POLRMT: variants seen among roughly 807,000 people sequenced by gnomAD.
The protein encoded by POLRMT is RNA polymerase mitochondrial.
Under a neutral mutation model 132.2 loss-of-function variants are expected in POLRMT, and 114 were observed. That is an observed-to-expected ratio of 0.86 (90% CI 0.74 to 1.01). POLRMT has a LOEUF of 1.01. POLRMT is among the 50% of genes least tolerant of loss of function. The probability of loss-of-function intolerance (pLI) is 0.00; values close to 1 mark genes in which losing one functional copy is unlikely to be tolerated. For missense variants in POLRMT, 2,003 were observed against 1,729.1 expected (o/e 1.16, Z -2.81); for synonymous variants, 1,020 against 773.4 (o/e 1.32, Z -5.29).
chr19:629,475 TA>T, intron 3 of POLRMT, 64 bp downstream of exon 3: 1 of 1,425,006 alleles, frequency 7.0e-7, no homozygotes, highest in Middle Eastern at 2.8e-4. Flanking sequence ...AAGTCCAGTC[TA>T]AATGAGGGCA....
chr19:618,031 G>C (rs559370508), intron 17 of POLRMT, 182 bp from the exon 18 acceptor site: 2 of 607,042 alleles, frequency 3.3e-6, no homozygotes, highest in African/African-American at 1.9e-5. Flanking sequence ...ATCAGTACAG[G>C]GGGAGGAAAT....
In POLRMT at chr19:618,475, C is replaced by T. The variant is rs374183595; in HGVS notation, c.3422+13G>A. On this transcript the variant is annotated intron_variant, in intron 17 of 20. Transcript: ENST00000588649. ...GGAGGCGAGCGGCACCCACGCCGTCCGGAGACGCCCACCTGTAGCAGTGCA... is the reference window on the plus strand; with the variant it reads ...GGAGGCGAGCGGCACCCACGCCGTCTGGAGACGCCCACCTGTAGCAGTGCA... 72 of 1,582,810 alleles carry T rather than the reference C, an allele frequency of 4.5e-5. No individual in the cohort carries two copies. The African/African-American group carries it at 6.5e-4, about 14-fold the overall frequency.
intron 3 of POLRMT, among the ~76,000 whole-genome samples, chr19:626,696 C>CAAAAAAAAAAAAAAAAAAAAAAA (rs59746130): frequency 1.9e-5 from 2 of 105,046 alleles, no homozygotes; most frequent in African/African-American, 8.7e-5. Flanking sequence ...ACTAAAAATA[C>CAAAAAAAAAAAAAAAAAAAAAAA]AAAAAAAAAA....
chr19:631,138 A>C (rs1449591218), intron 2 of POLRMT, among the ~76,000 whole-genome samples: 1 of 151,592 alleles, frequency 6.6e-6, no homozygotes, highest in African/African-American at 2.4e-5. Context: ...CAGCCTGGGC[A>C]ACAGAACAAT....
chr19:618,771 G>A lies in POLRMT; in HGVS notation c.3268-11C>T, dbSNP rs907727642. ...TCCACCTCCTATTTGCTAAAAAGGG[G>A]AAGGGGCCGGTGAGTCCCACCCGAG... On this transcript the variant is annotated splice_polypyrimidine_tract_variant and intron_variant, in intron 15 of 20. Transcript: ENST00000588649. 1 of 1,589,694 alleles carries A rather than the reference G, an allele frequency of 6.3e-7. No homozygotes were observed.
chr19:621,747 G>A lies in POLRMT; in HGVS notation c.1951C>T (p.Pro651Ser), dbSNP rs1346013990. The change falls in exon 10 of 21, where the codon CCC (proline) becomes TCC (serine). Residue 651 changes from proline to serine, a missense_variant. Transcript: ENST00000588649. ...TGCGGCGATGTCCAGGGCAGCGGGG[G>A]GCAAAGCATGGGTACATCCACCGCC... is the stretch of plus-strand genomic sequence containing the variant. ...FEAVDVPMLCPPLPWTSPHSG... is the reference protein window; with the variant it reads ...FEAVDVPMLCSPLPWTSPHSG... 2 of 1,600,648 alleles carry A rather than the reference G, an allele frequency of 1.2e-6. No individual in the cohort carries two copies. Among genetic ancestry groups the A allele is most frequent in the Non-Finnish European group, 1.7e-6 (2 of 1,179,476 alleles).
In POLRMT at chr19:625,212, C is replaced by T. The variant is rs141414744; in HGVS notation, c.865G>A (p.Asp289Asn). Reference sequence around the variant, plus strand: ...AGCAGGTCCGGAGTCAAGCCGGCATCCTTCACCATGAATAACACATATACC... The same window carrying T: ...AGCAGGTCCGGAGTCAAGCCGGCATTCTTCACCATGAATAACACATATACC... ...ELVYVLFMVK[D>N]AGLTPDLLSY... Residue 289 changes from aspartate to asparagine, a missense_variant, in exon 4 of 21, where the codon GAT (aspartate) becomes AAT (asparagine). Physicochemically the swap from Asp to Asn is conservative, Grantham distance 23. Coordinates refer to ENST00000588649, the MANE Select transcript of POLRMT (RefSeq NM_005035.4). The T allele has an allele frequency of 1.9e-6, 3 of 1,614,008 alleles. No homozygotes were observed. Among genetic ancestry groups the T allele is most frequent in the Non-Finnish European group, 2.5e-6 (3 of 1,180,012 alleles).
chr19:624,389 G>A (rs1984864754), intron 5 of POLRMT, among the ~76,000 whole-genome samples: 1 of 152,216 alleles, frequency 6.6e-6, no homozygotes, highest in African/African-American at 2.4e-5. Context: ...ACACCTTTAA[G>A]AGGGTTTTAT....
At chr19:624,628 C>T (rs906542110) in intron 5 of POLRMT, 91 bp downstream of exon 5, 6 of 1,417,740 alleles carry the variant, frequency 4.2e-6, no homozygotes, top group Non-Finnish European at 4.8e-6. Context: ...CCCTGGGCAC[C>T]GGGGAGGCCC....
Position 629,826 on chromosome 19 carries a change from G to A in POLRMT, c.536C>T (p.Thr179Met), listed in dbSNP as rs1418753333. 46 of 1,599,808 alleles carry A rather than the reference G, an allele frequency of 2.9e-5. No individual in the cohort carries two copies. In the South Asian group the frequency reaches 3.8e-4, roughly 13 times the overall value. The change falls in exon 3 of 21, where the codon ACG (threonine) becomes ATG (methionine). Residue 179 changes from threonine to methionine, a missense_variant. Thr to Met is a moderately conservative substitution (Grantham distance 81). Coordinates refer to ENST00000588649, the MANE Select transcript of POLRMT (RefSeq NM_005035.4). ...KQMAGCLEDC[T>M]RQAPESPWEE... Reference sequence around the variant, plus strand: ...CCAGGGGCTCTCGGGGGCCTGGCGCGTGCAGTCCTCCAGGCACCCGGCCAT... The same window carrying A: ...CCAGGGGCTCTCGGGGGCCTGGCGCATGCAGTCCTCCAGGCACCCGGCCAT...
Position 621,411 on chromosome 19 carries a change from C to G in POLRMT, c.2287G>C (p.Ala763Pro), listed in dbSNP as rs779136208. ...TCCCGGGCCACCTTCTGGCAGTGCG[C>G]CAGCTCACGGCGCAGCTCGGCCTTG... ...ARKAELRRELAHCQKVAREMH... is the reference protein window; with the variant it reads ...ARKAELRRELPHCQKVAREMH... The change falls in exon 10 of 21, where the codon GCG (alanine) becomes CCG (proline). Residue 763 changes from alanine (A) to proline (P), a missense_variant. Coordinates refer to ENST00000588649, the MANE Select transcript of POLRMT (RefSeq NM_005035.4). 43 of 1,515,030 alleles carry G rather than the reference C, an allele frequency of 2.8e-5. No individual in the cohort carries two copies. The highest frequency in any genetic ancestry group is 3.3e-5 in the Non-Finnish European group (37 of 1,136,866). The allele number at this position is 1,515,030 out of a possible 1,614,324, so 93.8% of individuals were successfully genotyped here.
chr19:621,473 G>A lies in POLRMT; in HGVS notation c.2225C>T (p.Pro742Leu), dbSNP rs970561074. 2.2e-5 allele frequency: 30 copies of A among 1,368,982 alleles called. No individual in the cohort carries two copies. In the African/African-American group the frequency reaches 4.3e-4, roughly 20 times the overall value. The allele number at this position is 1,368,982 out of a possible 1,614,324, so 84.8% of individuals were successfully genotyped here. ...PAPPSEAPQP[P>L]EAHLPHSAAP... ...GGCGCTGTGCGGCAGGTGGGCCTCGGGCGGCTGGGGCGCCTCGGAGGGCGG... is the reference window on the plus strand; with the variant it reads ...GGCGCTGTGCGGCAGGTGGGCCTCGAGCGGCTGGGGCGCCTCGGAGGGCGG... Residue 742 changes from proline to leucine, a missense_variant, in exon 10 of 21, where the codon CCC (proline) becomes CTC (leucine). Coordinates refer to ENST00000588649, the MANE Select transcript of POLRMT (RefSeq NM_005035.4).
chr19:620,126 G>A lies in POLRMT; in HGVS notation c.2764-46C>T, dbSNP rs539584173. On this transcript the variant is annotated intron_variant, in intron 11 of 20. Transcript: ENST00000588649. ...GGGAGATGGAAGCTAGAGAGGCAGA[G>A]ACGTGTGGGACCCCAAACCACCCCC... 386 of 1,530,352 alleles carry A rather than the reference G, an allele frequency of 2.5e-4. 3 individuals carry two copies. The South Asian group carries it at 3.6e-3, about 14-fold the overall frequency. 94.8% of individuals were successfully genotyped at this position (1,530,352 alleles called of 1,614,324 possible).
chr19:618,470 C>T lies in POLRMT; in HGVS notation c.3422+18G>A, dbSNP rs1258681910. 1.3e-6 allele frequency: 2 copies of T among 1,570,412 alleles called. No individual in the cohort carries two copies. Among genetic ancestry groups the T allele is most frequent in the East Asian group, 2.3e-5 (1 of 44,216 alleles). On this transcript the variant is annotated intron_variant, in intron 17 of 20. Transcript: ENST00000588649. ...CCCTGGGAGGCGAGCGGCACCCACG[C>T]CGTCCGGAGACGCCCACCTGTAGCA...
At chr19:632,629 G>C (rs1212396490) in intron 2 of POLRMT, among the ~76,000 whole-genome samples, 4 of 152,132 alleles carry the variant, frequency 2.6e-5, no homozygotes, top group African/African-American at 9.7e-5. Context: ...GGGGAATTAC[G>C]AGAGCTCCAG....
chr19:623,080 A>AT (rs41563114), intron 6 of POLRMT, 95 bp from the exon 7 acceptor site: 238,408 of 1,410,662 alleles, frequency 0.17, 22,095 homozygotes, highest in South Asian at 0.3. Flanking sequence ...CAGAGACCTC[A>AT]TGGCCCTCAA....
chr19:625,322 G>C, intron 3 of POLRMT, 68 bp from the exon 4 acceptor site: 1 of 1,593,654 alleles, frequency 6.3e-7, no homozygotes, highest in South Asian at 1.1e-5. Context: ...CTGCTCCCTG[G>C]AGACCCCTTC....
In POLRMT at chr19:619,567, C is replaced by A. The variant is rs753873182; in HGVS notation, c.3066+19G>T. The A allele has an allele frequency of 1.2e-5, 19 of 1,610,904 alleles. 1 individual carries two copies. The South Asian group carries it at 1.5e-4, about 13-fold the overall frequency. On this transcript the variant is annotated intron_variant, in intron 13 of 20. Coordinates refer to ENST00000588649, the MANE Select transcript of POLRMT (RefSeq NM_005035.4). ...GGCAGTGAAACCAACGTGTTCGCAG[C>A]GCGACATGCCTGGCGCACCTGGGGA...
intron 5 of POLRMT, among the ~76,000 whole-genome samples, chr19:624,141 ACT>A (rs1296688483): frequency 6.6e-6 from 1 of 152,144 alleles, no homozygotes; most frequent in Non-Finnish European, 1.5e-5. Context: ...CCGGAGCATG[ACT>A]CAGCCCTGAC....
Sources: gnomAD v4.1 joint callset for allele counts (sites outside exome capture counted in the v4.1 genomes callset) on GRCh38, gnomAD v4.1.1 for gene constraint, MANE v1.5 for transcripts, NCBI Gene and HGNC (gene_info 2026-07-23, HGNC 2026-07-21) for gene names.